RPTOR: variants seen among roughly 807,000 people sequenced by gnomAD.
RPTOR encodes the protein regulatory associated protein of MTOR complex 1.
RPTOR carries 21 observed loss-of-function variants against 169.9 expected under a neutral mutation model. The observed-to-expected ratio is 0.12, with a 90% CI of 0.09 to 0.18. The LOEUF (loss-of-function observed/expected upper bound fraction) is 0.18. RPTOR is among the 10% of genes least tolerant of loss of function. RPTOR has a pLI of 1.00. For missense variants in RPTOR, 1,133 were observed against 1,855.9 expected, an observed-to-expected ratio of 0.61 and a Z score of 7.16; for synonymous variants, 732 against 753.2, an observed-to-expected ratio of 0.97 and a Z score of 0.46.
intron 17 of RPTOR, among the ~76,000 whole-genome samples, chr17:80,890,481 G>T (rs570286060): frequency 6.6e-6 from 1 of 151,880 alleles, no homozygotes; most frequent in Non-Finnish European, 1.5e-5. Flanking sequence ...GAACCGGGGC[G>T]TGGGCCATGG....
intron 1 of RPTOR, among the ~76,000 whole-genome samples, chr17:80,579,280 G>A (rs2064993812): frequency 6.6e-6 from 1 of 151,888 alleles, no homozygotes; most frequent in Non-Finnish European, 1.5e-5. Flanking sequence ...CGCAACCTCC[G>A]CCTCCCGGGT....
chr17:80,839,576 G>A (rs78387362), intron 10 of RPTOR, among the ~76,000 whole-genome samples: 1 of 148,052 alleles, frequency 6.8e-6, no homozygotes, highest in Non-Finnish European at 1.5e-5. Flanking sequence ...ACCTTGGGGG[G>A]CAATGACAGG....
rs775493976 is a variant in RPTOR at position 80,892,889 on chromosome 17, G to T, written c.2242+20G>T. 1.2e-6 allele frequency: 2 copies of T among 1,611,866 alleles called. No individual in the cohort carries two copies. Among genetic ancestry groups the T allele is most frequent in the African/African-American group, 1.3e-5 (1 of 74,972 alleles). ...AGGAATGTAAGATCCTGGAAATCGG[G>T]TTATTGGATTGGGAGAGATTGGGGT... On this transcript the variant is annotated intron_variant, in intron 19 of 33. Coordinates refer to ENST00000306801, the MANE Select transcript of RPTOR (RefSeq NM_020761.3).
chr17:80,780,524 G>A (rs1263668089), intron 6 of RPTOR, among the ~76,000 whole-genome samples: 3 of 152,194 alleles, frequency 2.0e-5, no homozygotes, highest in African/African-American at 7.2e-5. Flanking sequence ...GAGGCGGTCC[G>A]GGCTAGAAGG....
intron 23 of RPTOR, among the ~76,000 whole-genome samples, chr17:80,924,761 A>G (rs1379392776): frequency 3.9e-5 from 6 of 152,214 alleles, no homozygotes; most frequent in Admixed American, 6.5e-5. Flanking sequence ...AGCAGGCCAC[A>G]TGGCGTGGCA....
intron 17 of RPTOR, among the ~76,000 whole-genome samples, chr17:80,885,390 T>A (rs1232749866): frequency 2.0e-5 from 3 of 152,206 alleles, no homozygotes; most frequent in Non-Finnish European, 4.4e-5. Flanking sequence ...TGTGTAGTAG[T>A]CTCCTTCCTG....
intron 6 of RPTOR, among the ~76,000 whole-genome samples, chr17:80,780,523 C>T (rs978864501): frequency 1.3e-5 from 2 of 152,154 alleles, no homozygotes; most frequent in Non-Finnish European, 1.5e-5. Flanking sequence ...AGAGGCGGTC[C>T]GGGCTAGAAG....
At chr17:80,606,308 CCT>C (rs1491138660) in intron 1 of RPTOR, among the ~76,000 whole-genome samples, 1 of 113,886 alleles carries the variant, frequency 8.8e-6, no homozygotes, top group Non-Finnish European at 1.9e-5. Context: ...CGGTGCCTGG[CCT>C]TTTTTTTTTT....
At chr17:80,813,045 CAGAG>C (rs1198869106) in intron 7 of RPTOR, among the ~76,000 whole-genome samples, 1 of 152,242 alleles carries the variant, frequency 6.6e-6, no homozygotes, top group Non-Finnish European at 1.5e-5. Context: ...GCCCAGCTGA[CAGAG>C]AGGCCGCTCC....
chr17:80,685,602 CATATATAT>C (rs1164461444), intron 3 of RPTOR, among the ~76,000 whole-genome samples: 438 of 34,492 alleles, frequency 0.013, 12 homozygotes, highest in Non-Finnish European at 0.017. Flanking sequence ...GGGCCATTTC[CATATATAT>C]ATATATATAT....
chr17:80,594,924 G>A (rs2065134079), intron 1 of RPTOR, among the ~76,000 whole-genome samples: 1 of 152,138 alleles, frequency 6.6e-6, no homozygotes, highest in Admixed American at 6.6e-5. Context: ...TCAGAGGTTA[G>A]AGACAGGAGG....
At chr17:80,603,496 G>T (rs1355942066) in intron 1 of RPTOR, among the ~76,000 whole-genome samples, 2 of 152,204 alleles carry the variant, frequency 1.3e-5, no homozygotes, top group African/African-American at 4.8e-5. Context: ...GTTGATTATT[G>T]TTTGGTTGTG....
Position 80,569,823 on chromosome 17 carries a change from G to T in RPTOR, c.162+24032G>T, listed in dbSNP as rs1030604923. On this transcript the variant is annotated intron_variant, in intron 1 of 33. Transcript: ENST00000306801. Reference sequence around the variant, plus strand: ...GGTCTAGTTTAGCCCTGTGCCTAACGTTGTGGCCTTTCTGAGTCTCCGTGA... The same window carrying T: ...GGTCTAGTTTAGCCCTGTGCCTAACTTTGTGGCCTTTCTGAGTCTCCGTGA... Among the ~76,000 whole-genome samples the T allele has an allele frequency of 2.6e-5, 4 of 152,126 alleles. No homozygotes were observed. In the South Asian group the frequency reaches 8.3e-4, roughly 31 times the overall value.
At chr17:80,611,815 C>T (rs987548984) in intron 1 of RPTOR, among the ~76,000 whole-genome samples, 1 of 146,334 alleles carries the variant, frequency 6.8e-6, no homozygotes, top group Admixed American at 6.8e-5. Context: ...TTAGTCTTTT[C>T]TAAATGCAGA....
intron 13 of RPTOR, among the ~76,000 whole-genome samples, chr17:80,869,221 G>T (rs1453027645): frequency 6.6e-6 from 1 of 152,112 alleles, no homozygotes; most frequent in Non-Finnish European, 1.5e-5. Context: ...GCGCAGTGGG[G>T]CGATCTTGGT....
At chr17:80,916,121 C>CT (rs922581642) in intron 21 of RPTOR, among the ~76,000 whole-genome samples, 1 of 152,144 alleles carries the variant, frequency 6.6e-6, no homozygotes, top group African/African-American at 2.4e-5. Flanking sequence ...TACAAGAGCT[C>CT]TAACACAAAC....
At chr17:80,590,004 G>A (rs1373351564) in intron 1 of RPTOR, among the ~76,000 whole-genome samples, 3 of 152,172 alleles carry the variant, frequency 2.0e-5, no homozygotes, top group Admixed American at 2.0e-4. Flanking sequence ...TATTAAATAC[G>A]ATTTTTTGAG....
intron 3 of RPTOR, among the ~76,000 whole-genome samples, chr17:80,703,151 A>G (rs1471070615): frequency 1.3e-5 from 2 of 151,988 alleles, no homozygotes; most frequent in South Asian, 4.2e-4. Context: ...TGCATGGGGG[A>G]TTTCTGTAGC....
intron 23 of RPTOR, 114 bp downstream of exon 23, chr17:80,923,787 A>G (rs6565492): frequency 0.87 from 1,033,906 of 1,193,644 alleles, 449,011 homozygotes; most frequent in African/African-American, 0.95. Flanking sequence ...GGCAGGACCC[A>G]CCCTGCCGTC....
Sources: allele counts gnomAD v4.1 joint callset (sites outside exome capture counted in the v4.1 genomes callset), GRCh38; gene constraint gnomAD v4.1.1; transcripts MANE v1.5; gene names NCBI Gene and HGNC (gene_info 2026-07-23, HGNC 2026-07-21).